Variants in PTPRJ observed in about 807,000 individuals in gnomAD.
The protein encoded by PTPRJ is receptor-type tyrosine-protein phosphatase eta.
PTPRJ carries 129 observed loss-of-function variants against 141.3 expected under a neutral mutation model. The ratio of observed to expected loss-of-function variants is 0.91; its 90% CI spans 0.79 to 1.06. PTPRJ has a LOEUF of 1.06. Among genes scored for constraint, PTPRJ ranks in the 50% least tolerant of loss-of-function variants. The pLI is 0.00. For synonymous variants in PTPRJ, 610 were observed against 640.5 expected (o/e 0.95, Z 0.72); for missense variants, 1,601 against 1,679.7 (o/e 0.95, Z 0.82).
In PTPRJ at chr11:48,124,970, G is replaced by T; in HGVS notation, c.877G>T (p.Ala293Ser). The T allele has an allele frequency of 6.2e-7, 1 of 1,613,638 alleles. No homozygotes were observed. The highest frequency in any genetic ancestry group is 8.5e-7 in the Non-Finnish European group (1 of 1,179,902). The change falls in exon 6 of 25, where the codon GCC (alanine) becomes TCC (serine). Residue 293 changes from alanine to serine, a missense_variant and splice_region_variant. Ala to Ser is a moderately conservative substitution (Grantham distance 99, BLOSUM62 1). Transcript: ENST00000418331. ...DPLGTEGGLD[A>S]SNTERSRAGS... ...TTTGTCTCCTGTGCTTGAAACAGAT[G>T]CCAGCAATACAGAGAGAAGCCGGGC...
rs935375821 is a variant in PTPRJ at position 48,113,886 on chromosome 11, A to G, written c.352+903A>G. 3.9e-5 allele frequency among the ~76,000 whole-genome samples: 6 copies of G among 152,320 alleles called. No homozygotes were observed. The South Asian group carries it at 1.2e-3, about 32-fold the overall frequency. Reference sequence around the variant, plus strand: ...AATCAATATAACCCATATAAACAAAAATTCTCCGGGAGCCTTAATAATTTT... The same window carrying G: ...AATCAATATAACCCATATAAACAAAGATTCTCCGGGAGCCTTAATAATTTT... On this transcript the variant is annotated intron_variant, in intron 3 of 24. Coordinates refer to ENST00000418331, the MANE Select transcript of PTPRJ (RefSeq NM_002843.4).
At chr11:48,052,441 T>G (rs1854596930) in intron 1 of PTPRJ, among the ~76,000 whole-genome samples, 1 of 152,220 alleles carries the variant, frequency 6.6e-6, no homozygotes, top group African/African-American at 2.4e-5. Flanking sequence ...GCTCCTTGCT[T>G]TAGCCTGGAA....
intron 2 of PTPRJ, among the ~76,000 whole-genome samples, chr11:48,111,871 G>C (rs1856451193): frequency 6.6e-6 from 1 of 152,092 alleles, no homozygotes; most frequent in African/African-American, 2.4e-5. Flanking sequence ...CATAACAGCT[G>C]GGGAGGAGGC....
At chr11:48,088,696 G>A (rs1281895216) in intron 1 of PTPRJ, among the ~76,000 whole-genome samples, 2 of 152,098 alleles carry the variant, frequency 1.3e-5, no homozygotes, top group Non-Finnish European at 2.9e-5. Flanking sequence ...TACTCTCCAT[G>A]TTACTTGAGT....
chr11:48,113,839 C>T (rs560272634), intron 3 of PTPRJ, among the ~76,000 whole-genome samples: 82 of 152,004 alleles, frequency 5.4e-4, no homozygotes, highest in African/African-American at 1.8e-3. Flanking sequence ...TTTTTTATTT[C>T]TAATACAGTA....
chr11:48,125,165 C>T lies in PTPRJ; in HGVS notation c.1072C>T (p.Gln358Ter), dbSNP rs1450606873. 2 of 1,614,124 alleles carry T rather than the reference C, an allele frequency of 1.2e-6. No individual in the cohort carries two copies. The change falls in exon 6 of 25, where the codon CAG becomes TAG. Residue 358 changes from glutamine to a stop codon, truncating the protein, a stop_gained. Coordinates refer to ENST00000418331, the MANE Select transcript of PTPRJ (RefSeq NM_002843.4). LOFTEE classifies it high-confidence loss of function. ...AGCGAATGGCACAGAAGGACAGCCC[C>T]AGGCCATAGAGTTCAGGACAAGTAG... ...QAANGTEGQP[Q>*]AIEFRTNAIQ... is the part of the protein sequence containing the mutation.
intron 1 of PTPRJ, among the ~76,000 whole-genome samples, chr11:48,064,603 T>G (rs1247219183): frequency 6.6e-6 from 1 of 151,804 alleles, no homozygotes; most frequent in Non-Finnish European, 1.5e-5. Flanking sequence ...GCAAATGTAT[T>G]TATTTATTTA....
chr11:48,094,817 T>G (rs548673295), intron 1 of PTPRJ, among the ~76,000 whole-genome samples: 1 of 152,248 alleles, frequency 6.6e-6, no homozygotes, highest in East Asian at 1.9e-4. Flanking sequence ...AACTTCAGGG[T>G]AGCAAGAGGA....
At chr11:48,115,323 G>A (rs1038907236) in intron 3 of PTPRJ, among the ~76,000 whole-genome samples, 19 of 152,184 alleles carry the variant, frequency 1.2e-4, no homozygotes, top group African/African-American at 4.1e-4. Flanking sequence ...CAAATAACAT[G>A]TAAGGGAGCT....
chr11:47,991,098 G>A (rs963034863), intron 1 of PTPRJ, among the ~76,000 whole-genome samples: 1 of 152,020 alleles, frequency 6.6e-6, no homozygotes, highest in Non-Finnish European at 1.5e-5. Context: ...ACAGACACAC[G>A]CAAATGTATT....
chr11:48,074,858 G>A (rs1418063488), intron 1 of PTPRJ, among the ~76,000 whole-genome samples: 1 of 152,050 alleles, frequency 6.6e-6, no homozygotes, highest in Admixed American at 6.6e-5. Flanking sequence ...AGCAAATTAG[G>A]GCCAGGAGTC....
chr11:48,084,260 T>G (rs1855637698), intron 1 of PTPRJ, among the ~76,000 whole-genome samples: 1 of 152,086 alleles, frequency 6.6e-6, no homozygotes, highest in Admixed American at 6.6e-5. Flanking sequence ...TATTGCAACC[T>G]CTGCCTCCGG....
intron 1 of PTPRJ, among the ~76,000 whole-genome samples, chr11:47,984,508 T>C (rs1234515): frequency 0.053 from 8,049 of 152,228 alleles, 677 homozygotes; most frequent in African/African-American, 0.18. Flanking sequence ...AATGCATTAT[T>C]TCATTTGGCC....
intron 8 of PTPRJ, 78 bp from the exon 9 acceptor site, chr11:48,135,961 C>G (rs1183970621): frequency 3.3e-6 from 5 of 1,521,262 alleles, no homozygotes; most frequent in Non-Finnish European, 4.5e-6. Context: ...AGAGCAGGTC[C>G]TCTCGACAGC....
chr11:48,163,379 T>C, intron 22 of PTPRJ, 79 bp from the exon 23 acceptor site: 3 of 1,396,472 alleles, frequency 2.1e-6, no homozygotes, highest in Non-Finnish European at 3.0e-6. Flanking sequence ...GTACTCAGGC[T>C]CTGCTTGATT....
chr11:48,117,761 A>G (rs1238572975), intron 3 of PTPRJ, among the ~76,000 whole-genome samples: 4 of 151,746 alleles, frequency 2.6e-5, no homozygotes, highest in Non-Finnish European at 5.9e-5. Flanking sequence ...AGGCACTAGA[A>G]AAACAATAGA....
At position 48,137,110 on chromosome 11, in the gene PTPRJ, A is replaced by G. The variant is rs1857120551; in HGVS notation, c.1981A>G (p.Ile661Val). The G allele has an allele frequency of 6.2e-7, 1 of 1,610,430 alleles. No individual in the cohort carries two copies. ...TCCCACGTACTCCTACTGCCTTCTTATTGAGAAGGCTGGAAATTCCAGCAA... is the reference window on the plus strand; with the variant it reads ...TCCCACGTACTCCTACTGCCTTCTTGTTGAGAAGGCTGGAAATTCCAGCAA... The part of the protein sequence containing the change: ...ASPTYSYCLL[I>V]EKAGNSSNAT... Residue 661 changes from isoleucine (I) to valine (V), a missense_variant, in exon 10 of 25, where the codon ATT becomes GTT. Physicochemically the swap from Ile to Val is conservative, Grantham distance 29 (BLOSUM62 3). Transcript: ENST00000418331.
At chr11:48,040,292 C>T (rs544363990) in intron 1 of PTPRJ, among the ~76,000 whole-genome samples, 1 of 152,236 alleles carries the variant, frequency 6.6e-6, no homozygotes, top group African/African-American at 2.4e-5. Context: ...CGCGCACATG[C>T]GTGTGCACCT....
intron 5 of PTPRJ, among the ~76,000 whole-genome samples, chr11:48,124,113 A>C (rs1856778840): frequency 6.6e-6 from 1 of 152,170 alleles, no homozygotes; most frequent in South Asian, 2.1e-4. Flanking sequence ...AGAGTCTGGC[A>C]CCCAGGAAAG....
Sources: gnomAD v4.1 joint callset for allele counts (sites outside exome capture counted in the v4.1 genomes callset) on GRCh38, gnomAD v4.1.1 for gene constraint, MANE v1.5 for transcripts, NCBI Gene and HGNC (gene_info 2026-07-23, HGNC 2026-07-21) for gene names.